Variants in GNAS observed in about 807,000 individuals in gnomAD.
GNAS encodes GNAS complex locus.
A neutral mutation model predicts 54.5 loss-of-function variants in GNAS; 8 were observed. The ratio of observed to expected loss-of-function variants is 0.15; its 90% CI spans 0.09 to 0.26. The LOEUF is 0.26. GNAS is among the 10% of genes least tolerant of loss of function. The probability of loss-of-function intolerance (pLI) is 1.00; values close to 1 mark genes in which losing one functional copy is unlikely to be tolerated. For synonymous variants in GNAS, 204 were observed against 191.4 expected, an observed-to-expected ratio of 1.07 and a Z score of -0.54; for missense variants, 170 against 529.8, an observed-to-expected ratio of 0.32 and a Z score of 6.67.
chr20:58,869,706 G>A (rs1221837701), intron 1 of GNAS, among the ~76,000 whole-genome samples: 1 of 152,180 alleles, frequency 6.6e-6, no homozygotes, highest in Non-Finnish European at 1.5e-5. Context: ...CAGGATCTCT[G>A]AGACCTCAGG....
chr20:58,888,725 C>G (rs1036391460), upstream of GNAS: 1 of 152,200 alleles, frequency 6.6e-6, no homozygotes, highest in African/African-American at 2.4e-5. Flanking sequence ...AGATACGAAA[C>G]TCCGTCCGGG....
rs925898725 is a variant in GNAS at position 58,902,115 on chromosome 20, C to T, written c.258-1416C>T. ...CTCCATCTCCCATTGGTTTCTGCCT[C>T]GGTGACTCCCCCCCTCTTGGCCTCA... is the stretch of plus-strand genomic sequence containing the variant. On this transcript the variant is annotated intron_variant, in intron 3 of 12. Coordinates refer to ENST00000371085, the MANE Select transcript of GNAS (RefSeq NM_000516.7). Among the ~76,000 whole-genome samples the T allele has an allele frequency of 1.4e-4, 12 of 83,172 alleles. 1 individual carries two copies. The highest frequency in any genetic ancestry group is 2.5e-4 in the Non-Finnish European group (10 of 39,876). 54.6% of individuals were successfully genotyped at this position (83,172 alleles called of 152,430 possible). A position where few individuals can be genotyped will look rare whatever the true frequency, so the allele number is the denominator to read the frequency against.
rs1207512931 is a variant in GNAS, at chr20:58,891,455, G to A, written c.-272G>A. ...CGCAGCTCCTGCTCTGGTCCGCCTC[G>A]GCCCGGCGGCGGCCATCAGCCCCCT... is the stretch of plus-strand genomic sequence containing the variant. On this transcript the variant is annotated 5_prime_UTR_variant, in exon 1 of 13. Coordinates refer to ENST00000371085, the MANE Select transcript of GNAS (RefSeq NM_000516.7). 15 of 728,676 alleles carry A rather than the reference G, an allele frequency of 2.1e-5. No homozygotes were observed. In the East Asian group the frequency reaches 1.7e-3, roughly 82 times the overall value. The allele number at this position is 728,676 out of a possible 1,614,324, so 45.1% of individuals were successfully genotyped here.
At chr20:58,848,230 C>G (rs2086009966) in intron 1 of GNAS, among the ~76,000 whole-genome samples, 2 of 152,262 alleles carry the variant, frequency 1.3e-5, no homozygotes, top group South Asian at 2.1e-4. Context: ...TCAAGTAAAC[C>G]ATCCCTGGGT....
upstream of GNAS, chr20:58,839,983 G>C: frequency 1.9e-6 from 2 of 1,033,188 alleles, no homozygotes; most frequent in Non-Finnish European, 1.5e-6. Context: ...GTGAGGCTGG[G>C]ACCTCCGGGC....
chr20:58,854,028 T>C (rs1235476288), intron 1 of GNAS: 1 of 1,611,526 alleles, frequency 6.2e-7, no homozygotes, highest in Non-Finnish European at 8.5e-7. Flanking sequence ...CAGCAGCCAG[T>C]TCGCGGCAGT....
chr20:58,839,761 C>T (rs1258739217), upstream of GNAS: 3 of 566,196 alleles, frequency 5.3e-6, no homozygotes, highest in East Asian at 2.9e-5. Flanking sequence ...CTCCTCTGTC[C>T]TCTCCCAGGC....
chr20:58,911,151 C>T lies in GNAS; in HGVS notation c.*322C>T, dbSNP rs2088307470. 1 of 504,804 alleles carries T rather than the reference C, an allele frequency of 2.0e-6. No individual in the cohort carries two copies. 31.3% of individuals were successfully genotyped at this position (504,804 alleles called of 1,614,324 possible). ...ATGAAATAAATATTGTGTTGTGCAG[C>T]ATTAAAAAAAATCAAAATAAAAATT... On this transcript the variant is annotated 3_prime_UTR_variant, in exon 13 of 13. Transcript: ENST00000371085.
chr20:58,860,272 C>A (rs1434975847), intron 1 of GNAS, among the ~76,000 whole-genome samples: 1 of 149,186 alleles, frequency 6.7e-6, no homozygotes, highest in Non-Finnish European at 1.5e-5. Flanking sequence ...ACGTTGCAGT[C>A]TTAGTTTGTT....
chr20:58,878,818 A>G lies in GNAS; in HGVS notation c.44-16794A>G, dbSNP rs1053843329. ...CTGTCTGGAAGGAGGGAGATGCAGG[A>G]GCAGCATCCTGGCTTATGACCGCGT... On this transcript the variant is annotated intron_variant, in intron 1 of 12. Transcript: ENST00000306090. Among the ~76,000 whole-genome samples the G allele has an allele frequency of 3.3e-5, 5 of 151,184 alleles. No homozygotes were observed. In the South Asian group the frequency reaches 6.3e-4, roughly 19 times the overall value.
chr20:58,841,427 G>T lies in GNAS; in HGVS notation c.43+541G>T. The T allele has an allele frequency of 1.0e-6, 1 of 992,714 alleles. No homozygotes were observed. The highest frequency in any genetic ancestry group is 4.6e-5 in the South Asian group (1 of 21,872). 61.5% of individuals were successfully genotyped at this position (992,714 alleles called of 1,614,324 possible). The stretch of plus-strand genomic sequence containing the variant: ...CGAGAACTCTAGAGACTGACCACCC[G>T]GGAGGGAAGTCACGCGCGCGCGGCG... On this transcript the variant is annotated intron_variant, in intron 1 of 12. Transcript: ENST00000306090. This position sits in a 1 kb window ranked among gnomAD's most constrained non-coding sequence, Gnocchi z 5.0.
Position 58,910,495 on chromosome 20 carries a change from C to T in GNAS, c.1038+94C>T. 8.5e-7 allele frequency: 1 copy of T among 1,175,882 alleles called. No homozygotes were observed. Among genetic ancestry groups the T allele is most frequent in the Non-Finnish European group, 1.3e-6 (1 of 785,848 alleles). The allele number at this position is 1,175,882 out of a possible 1,614,324, so 72.8% of individuals were successfully genotyped here. The stretch of plus-strand genomic sequence containing the variant: ...AATTCCAAATTCAGGGGTTCAGCTA[C>T]CCAGTTCCATGGTTTTAGTTCACGC... On this transcript the variant is annotated intron_variant, in intron 12 of 12. Transcript: ENST00000371085. This position sits in a 1 kb window ranked among gnomAD's most constrained non-coding sequence, Gnocchi z 5.8.
intron 1 of GNAS, among the ~76,000 whole-genome samples, chr20:58,894,018 T>C (rs6026584): frequency 0.7 from 107,019 of 152,208 alleles, 37,923 homozygotes; most frequent in African/African-American, 0.78. Flanking sequence ...AGTGACACAA[T>C]ATTTTGCATT....
At chr20:58,903,817 C>T (rs2146186711) in intron 5 of GNAS, 26 bp downstream of exon 5, 1 of 1,613,656 alleles carries the variant, frequency 6.2e-7, no homozygotes, top group African/African-American at 1.3e-5. Context: ...ACTTGTGTGG[C>T]CTTAGCCCCG....
intron 1 of GNAS, chr20:58,854,639 C>A: frequency 5.9e-6 from 9 of 1,532,888 alleles, no homozygotes; most frequent in Non-Finnish European, 7.0e-6. Flanking sequence ...CCGGGGCGGC[C>A]CCTGACGCCC....
chr20:58,841,888 A>G lies in GNAS; in HGVS notation c.43+1002A>G. On this transcript the variant is annotated intron_variant, in intron 1 of 12. Coordinates refer to the GNAS transcript ENST00000306090. This position sits in a 1 kb window ranked among gnomAD's most constrained non-coding sequence, Gnocchi z 5.0. Reference sequence around the variant, plus strand: ...CGCAAGTGGAAAGGTAAAGCGGAACAAGGGACAGGCTGGAGACGGGGGTCG... The same window carrying G: ...CGCAAGTGGAAAGGTAAAGCGGAACGAGGGACAGGCTGGAGACGGGGGTCG... The G allele has an allele frequency of 8.1e-7, 1 of 1,231,482 alleles. No individual in the cohort carries two copies. Among genetic ancestry groups the G allele is most frequent in the Non-Finnish European group, 1.0e-6 (1 of 987,906 alleles). The allele number at this position is 1,231,482 out of a possible 1,614,324, so 76.3% of individuals were successfully genotyped here.
chr20:58,874,032 C>T (rs915773061), intron 1 of GNAS, among the ~76,000 whole-genome samples: 4 of 152,226 alleles, frequency 2.6e-5, no homozygotes, highest in African/African-American at 7.2e-5. Context: ...AAACAAGCAA[C>T]ATTTGACAGG....
chr20:58,897,713 AC>A (rs1258871143), intron 2 of GNAS: 1 of 152,252 alleles, frequency 6.6e-6, no homozygotes, highest in Non-Finnish European at 1.5e-5. Flanking sequence ...TTCTTTGCAG[AC>A]AAGGGCACAG....
At chr20:58,890,264 CGCG>C (rs2089035005), upstream of GNAS, among the ~76,000 whole-genome samples, 7 of 150,376 alleles carry the variant, frequency 4.7e-5, no homozygotes, top group African/African-American at 1.7e-4. Context: ...CCGCCGCCGC[CGCG>C]GCCGCCGCCG....
Sources: allele counts gnomAD v4.1 joint callset (sites outside exome capture counted in the v4.1 genomes callset), GRCh38; gene constraint gnomAD v4.1.1; non-coding constraint Gnocchi (gnomAD v3.1); transcripts MANE v1.5; gene names NCBI Gene and HGNC (gene_info 2026-07-23, HGNC 2026-07-21).